The following ADGRV1 variants were observed in gnomAD, a reference collection of about 807,000 sequenced individuals.
ADGRV1 encodes the protein G-protein coupled receptor 98.
Under a neutral mutation model 596.2 loss-of-function variants are expected in ADGRV1, and 359 were observed. That is an observed-to-expected ratio of 0.60 (90% CI 0.55 to 0.66). The LOEUF is 0.66. Ranked by LOEUF, ADGRV1 falls within the 30% of genes least tolerant of loss-of-function variation. The pLI, the probability that ADGRV1 is intolerant of heterozygous loss-of-function variation, is 0.00. For missense variants in ADGRV1, 7,274 were observed against 7,575.6 expected (o/e 0.96, Z 1.48); for synonymous variants, 2,681 against 2,679.2 (o/e 1.00, Z -0.02).
intron 34 of ADGRV1, among the ~76,000 whole-genome samples, chr5:90,698,862 C>T (rs1580782366): frequency 6.6e-6 from 1 of 152,084 alleles, no homozygotes; most frequent in East Asian, 1.9e-4. Context: ...CAATCAGTTA[C>T]ACTGATTACT....
Position 90,854,131 on chromosome 5 carries a change from A to G in ADGRV1, c.17524A>G (p.Ile5842Val), listed in dbSNP as rs1766799298. ...TAATGACAATGAGGTTCTCTACAGG[A>G]TTTATGCTGCTGAGCCTAGAATTAT... Reference protein sequence around the residue: ...LTNDNEVLYRIYAAEPRIIPQ... With the variant: ...LTNDNEVLYRVYAAEPRIIPQ... The change falls in exon 81 of 90, where the codon ATT becomes GTT. Residue 5842 changes from isoleucine to valine, a missense_variant. Transcript: ENST00000405460. The G allele has an allele frequency of 1.3e-6, 2 of 1,575,256 alleles. No homozygotes were observed. The highest frequency in any genetic ancestry group is 1.7e-6 in the Non-Finnish European group (2 of 1,158,056).
chr5:90,620,677 C>T (rs1347459753), intron 4 of ADGRV1, among the ~76,000 whole-genome samples: 2 of 152,084 alleles, frequency 1.3e-5, no homozygotes, highest in East Asian at 3.9e-4. Flanking sequence ...TTGCCCATGC[C>T]TATGTCCTGA....
intron 67 of ADGRV1, among the ~76,000 whole-genome samples, chr5:90,785,054 A>G (rs1243336899): frequency 6.6e-6 from 1 of 152,202 alleles, no homozygotes; most frequent in Non-Finnish European, 1.5e-5. Flanking sequence ...ACAGCGTGGT[A>G]CTGGTACCAA....
intron 85 of ADGRV1, among the ~76,000 whole-genome samples, chr5:91,053,703 C>A (rs1482791888): frequency 6.6e-6 from 1 of 152,202 alleles, no homozygotes; most frequent in Non-Finnish European, 1.5e-5. Context: ...GTCTTAACTT[C>A]CCTGCACATA....
At chr5:90,621,293 G>A (rs1764032716) in intron 4 of ADGRV1, among the ~76,000 whole-genome samples, 1 of 151,998 alleles carries the variant, frequency 6.6e-6, no homozygotes, top group African/African-American at 2.4e-5. Context: ...CATTTTCTTG[G>A]TACCTTAACT....
chr5:90,922,028 G>T (rs114506515), intron 83 of ADGRV1, among the ~76,000 whole-genome samples: 1,963 of 152,208 alleles, frequency 0.013, 17 homozygotes, highest in Non-Finnish European at 0.021. Context: ...AAGAAAAACA[G>T]CACCTAAGTG....
At chr5:90,931,420 A>G (rs1371166585) in intron 83 of ADGRV1, among the ~76,000 whole-genome samples, 2 of 152,234 alleles carry the variant, frequency 1.3e-5, no homozygotes, top group Non-Finnish European at 2.9e-5. Context: ...TAGCTCACTT[A>G]TGGAGCTAGA....
At chr5:90,671,062 A>G (rs1157015810) in intron 21 of ADGRV1, among the ~76,000 whole-genome samples, 2 of 152,142 alleles carry the variant, frequency 1.3e-5, no homozygotes, top group African/African-American at 2.4e-5. Context: ...GCCTCATACA[A>G]TTTAATGGCC....
chr5:91,126,230 A>G lies in ADGRV1; in HGVS notation c.18433-23800A>G, dbSNP rs573084751. ...TTAAATCTCTTATTTGAAATTTCCA[A>G]TGCCTCCACTCCCCTTCCACAAATT... is the stretch of plus-strand genomic sequence containing the variant. On this transcript the variant is annotated intron_variant, in intron 87 of 89. Coordinates refer to ENST00000405460, the MANE Select transcript of ADGRV1 (RefSeq NM_032119.4). Among the ~76,000 whole-genome samples, 13 of 152,318 alleles carry G rather than the reference A, an allele frequency of 8.5e-5. No homozygotes were observed. The South Asian group carries it at 1.9e-3, about 22-fold the overall frequency.
At chr5:90,787,145 T>A (rs1369997199) in intron 67 of ADGRV1, among the ~76,000 whole-genome samples, 1 of 152,150 alleles carries the variant, frequency 6.6e-6, no homozygotes, top group African/African-American at 2.4e-5. Context: ...ACATGGTGTT[T>A]CAAGAAGGAA....
intron 77 of ADGRV1, among the ~76,000 whole-genome samples, chr5:90,829,434 A>G (rs569958470): frequency 1.4e-4 from 21 of 152,206 alleles, no homozygotes; most frequent in South Asian, 4.1e-4. Flanking sequence ...AGTGCAAACT[A>G]TCTTACATAA....
intron 29 of ADGRV1, 29 bp downstream of exon 29, chr5:90,686,024 A>C: frequency 7.0e-7 from 1 of 1,431,132 alleles, no homozygotes; most frequent in Non-Finnish European, 9.4e-7. Context: ...AAAGCAGTAC[A>C]TACAGAGGGA....
In ADGRV1 at chr5:90,628,717, C is replaced by T; in HGVS notation, c.1394C>T (p.Ala465Val). ...VLHFAQGQMLATIPLTVVDDD... is the reference protein window; with the variant it reads ...VLHFAQGQMLVTIPLTVVDDD... ...CATTTTGCACAAGGGCAGATGTTGG[C>T]AACAATTCCTCTTACTGTGGTTGAT... Residue 465 changes from alanine to valine, a missense_variant, in exon 8 of 90, where the codon GCA becomes GTA. This residue lies in a region of ADGRV1 where 1,715 missense variants were observed against 1,708.8 expected (regional missense o/e 1.00). Transcript: ENST00000405460. 1 of 1,613,960 alleles carries T rather than the reference C, an allele frequency of 6.2e-7. No individual in the cohort carries two copies. Among genetic ancestry groups the T allele is most frequent in the South Asian group, 1.1e-5 (1 of 91,088 alleles).
At chr5:91,093,601 G>T (rs1790567806) in intron 86 of ADGRV1, among the ~76,000 whole-genome samples, 1 of 152,198 alleles carries the variant, frequency 6.6e-6, no homozygotes, top group African/African-American at 2.4e-5. Context: ...CTTGGTGAAA[G>T]AGATAGACAC....
intron 59 of ADGRV1, among the ~76,000 whole-genome samples, chr5:90,772,727 A>G (rs974466108): frequency 5.9e-5 from 9 of 152,250 alleles, no homozygotes; most frequent in Non-Finnish European, 1.3e-4. Context: ...ATATAAAATC[A>G]GTAGCACCTT....
chr5:90,984,305 T>TA (rs1192940202), intron 84 of ADGRV1, among the ~76,000 whole-genome samples: 2 of 152,214 alleles, frequency 1.3e-5, no homozygotes, highest in Non-Finnish European at 2.9e-5. Context: ...CAATAAGTAT[T>TA]ACTGTTTGAA....
At chr5:90,993,575 T>C (rs1237137086) in intron 85 of ADGRV1, among the ~76,000 whole-genome samples, 1 of 152,198 alleles carries the variant, frequency 6.6e-6, no homozygotes, top group Non-Finnish European at 1.5e-5. Flanking sequence ...ACACAGAGTG[T>C]TAAAGTACAA....
At chr5:90,582,600 T>C (rs183423648) in intron 1 of ADGRV1, among the ~76,000 whole-genome samples, 29 of 152,324 alleles carry the variant, frequency 1.9e-4, no homozygotes, top group African/African-American at 6.0e-4. Flanking sequence ...GATCTCACTC[T>C]GTCACCCAGG....
intron 1 of ADGRV1, among the ~76,000 whole-genome samples, chr5:90,565,774 A>G (rs1755558018): frequency 1.3e-5 from 2 of 152,146 alleles, no homozygotes; most frequent in Admixed American, 6.6e-5. Flanking sequence ...GCTGTTTTCT[A>G]AAGTGTGTTT....
Sources: gnomAD v4.1 joint callset for allele counts (sites outside exome capture counted in the v4.1 genomes callset) on GRCh38, gnomAD v4.1.1 for gene constraint, gnomAD v4.1.1 regional missense constraint, MANE v1.5 for transcripts, NCBI Gene and HGNC (gene_info 2026-07-23, HGNC 2026-07-21) for gene names.